The following MRTFB variants were observed in gnomAD, a reference collection of about 807,000 sequenced individuals.
The protein encoded by MRTFB is myocardin-related transcription factor B.
MRTFB carries 29 observed loss-of-function variants against 104.2 expected under a neutral mutation model. The ratio of observed to expected loss-of-function variants is 0.28; its 90% CI spans 0.21 to 0.38. The LOEUF is 0.38. Among genes scored for constraint, MRTFB ranks in the 10% least tolerant of loss-of-function variants. The probability of loss-of-function intolerance (pLI) is 1.00; values close to 1 mark genes in which losing one functional copy is unlikely to be tolerated. For synonymous variants in MRTFB, 535 were observed against 519.5 expected, an observed-to-expected ratio of 1.03 and a Z score of -0.41; for missense variants, 1,270 against 1,341.6, an observed-to-expected ratio of 0.95 and a Z score of 0.83.
At chr16:14,075,978 A>G (rs1280404921) in intron 1 of MRTFB, among the ~76,000 whole-genome samples, 2 of 152,150 alleles carry the variant, frequency 1.3e-5, no homozygotes, top group African/African-American at 2.4e-5. Flanking sequence ...TCTAAATTCC[A>G]ATTGTCTTGA....
At chr16:14,140,442 C>G in intron 2 of MRTFB, 102 bp from the exon 3 acceptor site, 1 of 741,502 alleles carries the variant, frequency 1.3e-6, no homozygotes, top group East Asian at 2.7e-5. Flanking sequence ...GACCATACAG[C>G]AGTAAAACTG....
chr16:14,226,688 G>A (rs558878124), intron 8 of MRTFB, among the ~76,000 whole-genome samples: 13 of 152,160 alleles, frequency 8.5e-5, no homozygotes, highest in Non-Finnish European at 1.8e-4. Context: ...TCCTCAAAAC[G>A]TTTTGGCCAG....
At chr16:14,088,770 T>G (rs1301272868) in intron 2 of MRTFB, among the ~76,000 whole-genome samples, 1 of 152,216 alleles carries the variant, frequency 6.6e-6, no homozygotes, top group African/African-American at 2.4e-5. Context: ...AATGCTTGTT[T>G]TTCCTTGCTC....
intron 2 of MRTFB, among the ~76,000 whole-genome samples, chr16:14,096,519 A>T (rs1307049443): frequency 1.3e-5 from 2 of 152,232 alleles, no homozygotes; most frequent in Admixed American, 6.5e-5. Flanking sequence ...AGTCTAAAAA[A>T]GAAGTACTAT....
chr16:14,187,076 T>C, intron 3 of MRTFB: 1 of 1,540,780 alleles, frequency 6.5e-7, no homozygotes, highest in Non-Finnish European at 8.8e-7. Context: ...GCCAAATTCA[T>C]ATTCTGGTCA....
intron 3 of MRTFB, among the ~76,000 whole-genome samples, chr16:14,193,003 C>T (rs555006340): frequency 1.9e-4 from 29 of 152,210 alleles, no homozygotes; most frequent in Admixed American, 9.8e-4. Context: ...TGTATCATCA[C>T]GGCCAACAGC....
intron 3 of MRTFB, among the ~76,000 whole-genome samples, chr16:14,181,984 G>A (rs772162769): frequency 6.6e-6 from 1 of 152,164 alleles, no homozygotes; most frequent in Non-Finnish European, 1.5e-5. Flanking sequence ...AAACACCATG[G>A]AAGCAGATTT....
At chr16:14,070,337 T>C (rs2033612418), upstream of MRTFB, among the ~76,000 whole-genome samples, 2 of 152,224 alleles carry the variant, frequency 1.3e-5, no homozygotes, top group African/African-American at 4.8e-5. Context: ...ATGCCCGCAA[T>C]AAATGTTAGC....
chr16:14,126,065 T>C (rs1027225719), intron 2 of MRTFB, among the ~76,000 whole-genome samples: 5 of 152,204 alleles, frequency 3.3e-5, no homozygotes, highest in Admixed American at 3.3e-4. Flanking sequence ...ATGGAGAAAT[T>C]TATTTTACTG....
At chr16:14,092,502 C>T (rs1382321568) in intron 2 of MRTFB, among the ~76,000 whole-genome samples, 1 of 152,078 alleles carries the variant, frequency 6.6e-6, no homozygotes, top group Non-Finnish European at 1.5e-5. Context: ...TTTTTATGTC[C>T]AGGTAATGAA....
At chr16:14,187,239 C>T (rs1447118645) in intron 3 of MRTFB, among the ~76,000 whole-genome samples, 1 of 152,182 alleles carries the variant, frequency 6.6e-6, no homozygotes, top group Non-Finnish European at 1.5e-5. Flanking sequence ...AACTGTAGGG[C>T]TTTTGCAGTA....
intron 2 of MRTFB, among the ~76,000 whole-genome samples, chr16:14,083,085 A>G (rs2034505604): frequency 6.6e-6 from 1 of 151,032 alleles, no homozygotes; most frequent in South Asian, 2.1e-4. Context: ...GGTTCAATTT[A>G]TTTCTAAGTA....
intron 1 of MRTFB, among the ~76,000 whole-genome samples, chr16:14,078,748 T>C (rs1199792023): frequency 2.6e-5 from 4 of 152,044 alleles, no homozygotes; most frequent in African/African-American, 9.7e-5. Context: ...ATAATTATTA[T>C]CATCATAAAT....
chr16:14,129,529 A>G (rs557821345), intron 2 of MRTFB, among the ~76,000 whole-genome samples: 1 of 152,284 alleles, frequency 6.6e-6, no homozygotes, highest in East Asian at 1.9e-4. Flanking sequence ...TTTCAGATGG[A>G]CATATGTTTT....
At chr16:14,132,072 C>T (rs183742645) in intron 2 of MRTFB, among the ~76,000 whole-genome samples, 66 of 152,154 alleles carry the variant, frequency 4.3e-4, no homozygotes, top group African/African-American at 8.9e-4. Flanking sequence ...GGTAAATTCA[C>T]GCAATGAAAT....
At chr16:14,135,614 A>G (rs79484497) in intron 2 of MRTFB, among the ~76,000 whole-genome samples, 6,477 of 152,310 alleles carry the variant, frequency 0.043, 493 homozygotes, top group African/African-American at 0.15. Context: ...AAGCATGACT[A>G]TATTTGAATT....
chr16:14,200,450 A>G, intron 3 of MRTFB: 2 of 1,610,186 alleles, frequency 1.2e-6, no homozygotes, highest in South Asian at 1.1e-5. Context: ...AGTCAAAATC[A>G]GACATCCAGT....
At chr16:14,146,077 A>G (rs2038296750) in intron 3 of MRTFB, among the ~76,000 whole-genome samples, 1 of 152,238 alleles carries the variant, frequency 6.6e-6, no homozygotes, top group Non-Finnish European at 1.5e-5. Flanking sequence ...TTACAGAGTA[A>G]GCAGAGAAGT....
chr16:13,999,932 A>G, the MRTFB span, among the ~76,000 whole-genome samples: 2 of 152,198 alleles, frequency 1.3e-5, no homozygotes, highest in African/African-American at 4.8e-5. Context: ...AGGAGGAAGT[A>G]AGCCTGTTCC....
Sources: allele counts gnomAD v4.1 joint callset (sites outside exome capture counted in the v4.1 genomes callset), GRCh38; gene constraint gnomAD v4.1.1; transcripts MANE v1.5; gene names NCBI Gene and HGNC (gene_info 2026-07-23, HGNC 2026-07-21).